LY9: variants seen among roughly 807,000 people sequenced by gnomAD.
LY9 encodes the protein T-lymphocyte surface antigen Ly-9.
Under a neutral mutation model 64.6 loss-of-function variants are expected in LY9, and 59 were observed. The ratio of observed to expected loss-of-function variants is 0.91; its 90% CI spans 0.74 to 1.13. The LOEUF (loss-of-function observed/expected upper bound fraction) is 1.13, where lower values mean the gene tolerates loss of function less well. LY9 is among the 50% of genes most tolerant of loss of function. The probability of loss-of-function intolerance (pLI) is 0.00; values close to 1 mark genes in which losing one functional copy is unlikely to be tolerated. For synonymous variants in LY9, 281 were observed against 308.5 expected (o/e 0.91, Z 0.93); for missense variants, 789 against 797.2 (o/e 0.99, Z 0.12).
intron 1 of LY9, among the ~76,000 whole-genome samples, chr1:160,797,876 CACA>C (rs1666044806): frequency 6.6e-6 from 1 of 152,040 alleles, no homozygotes; most frequent in African/African-American, 2.4e-5. Context: ...CACACACACA[CACA>C]CACACACACA....
chr1:160,819,709 T>G (rs757796917), intron 7 of LY9, among the ~76,000 whole-genome samples: 9 of 151,218 alleles, frequency 6.0e-5, no homozygotes, highest in Non-Finnish European at 8.8e-5. Context: ...GAGAATCTAT[T>G]TAACCTGGGA....
intron 2 of LY9, 101 bp downstream of exon 2, chr1:160,800,183 C>A: frequency 2.4e-6 from 2 of 833,524 alleles, no homozygotes; most frequent in South Asian, 1.8e-5. Context: ...ATAGTGCATA[C>A]TGATCAAGTC....
chr1:160,798,138 GC>G (rs1198327380), intron 1 of LY9, among the ~76,000 whole-genome samples: 1 of 152,096 alleles, frequency 6.6e-6, no homozygotes, highest in Non-Finnish European at 1.5e-5. Context: ...CCCACATCCT[GC>G]CCCCTCCACT....
At chr1:160,823,021 G>A (rs1668593596) in intron 7 of LY9, among the ~76,000 whole-genome samples, 1 of 152,140 alleles carries the variant, frequency 6.6e-6, no homozygotes, top group Admixed American at 6.5e-5. Flanking sequence ...TCTAACCAGA[G>A]TCATCTCCTC....
chr1:160,810,335 G>T (rs1667369190), intron 2 of LY9: 1 of 152,202 alleles, frequency 6.6e-6, no homozygotes, highest in Non-Finnish European at 1.5e-5. Flanking sequence ...CAATTCTGGA[G>T]ACTAGAAATC....
chr1:160,810,008 A>C (rs1667344875), intron 2 of LY9: 1 of 152,044 alleles, frequency 6.6e-6, no homozygotes, highest in Non-Finnish European at 1.5e-5. Context: ...GCCCCCGAGG[A>C]AGTTGGGATT....
intron 2 of LY9, 69 bp downstream of exon 2, chr1:160,800,151 T>G: frequency 8.1e-7 from 1 of 1,237,102 alleles, no homozygotes. Flanking sequence ...ATGGGGTATG[T>G]GTGAAATTTT....
At chr1:160,819,220 G>C (rs546451932) in intron 6 of LY9, 101 bp from the exon 7 acceptor site, 1 of 892,350 alleles carries the variant, frequency 1.1e-6, no homozygotes, top group African/African-American at 1.6e-5. Flanking sequence ...CCCTGTCTAT[G>C]TCCCAGAAGT....
intron 9 of LY9, chr1:160,824,591 T>A (rs1668742056): frequency 1.0e-6 from 1 of 984,190 alleles, no homozygotes; most frequent in South Asian, 4.7e-5. Context: ...AAATGACAAC[T>A]TCTCAAAACC....
rs749426591 is a variant in LY9, at chr1:160,814,725, G to A, written c.1036G>A (p.Val346Ile). Residue 346 changes from valine to isoleucine, a missense_variant, in exon 4 of 10, where the codon GTC (valine) becomes ATC (isoleucine). Physicochemically the swap from Val to Ile is conservative, Grantham distance 29. Coordinates refer to ENST00000263285, the MANE Select transcript of LY9 (RefSeq NM_002348.4). ...HAYVCSEASS[V>I]TSMTHVTLLI... The stretch of plus-strand genomic sequence containing the variant: ...CTACGTGTGCTCAGAGGCCTCCAGC[G>A]TCACCAGCATGACACATGTCACCCT... 20 of 1,613,796 alleles carry A rather than the reference G, an allele frequency of 1.2e-5. 1 individual carries two copies. The highest frequency in any genetic ancestry group is 1.1e-4 in the South Asian group (10 of 91,046).
At chr1:160,812,841 T>C (rs1667615209) in intron 2 of LY9, 1 of 152,230 alleles carries the variant, frequency 6.6e-6, no homozygotes, top group Non-Finnish European at 1.5e-5. Context: ...ATCCCAGCAC[T>C]TTGGGAGGCC....
chr1:160,818,897 T>C (rs1668161599), intron 6 of LY9, among the ~76,000 whole-genome samples: 1 of 152,176 alleles, frequency 6.6e-6, no homozygotes, highest in African/African-American at 2.4e-5. Flanking sequence ...GGCTGCTGCT[T>C]GGACCAATTT....
intron 1 of LY9, 78 bp from the exon 2 acceptor site, chr1:160,799,675 T>C (rs2101735115): frequency 1.2e-6 from 1 of 856,016 alleles, no homozygotes; most frequent in East Asian, 2.4e-5. Context: ...ATGCCCAATG[T>C]ATATTCACAG....
intron 2 of LY9, among the ~76,000 whole-genome samples, chr1:160,806,472 T>A (rs532540397): frequency 6.6e-6 from 1 of 152,354 alleles, no homozygotes; most frequent in South Asian, 2.1e-4. Context: ...CATTTGCTTG[T>A]CTGGGAAACG....
chr1:160,823,845 G>A, intron 8 of LY9, 49 bp downstream of exon 8: 1 of 1,432,078 alleles, frequency 7.0e-7, no homozygotes. Flanking sequence ...ATGTCTAGCG[G>A]CATCTGAGAT....
At chr1:160,820,762 C>T (rs1668359759) in intron 7 of LY9, among the ~76,000 whole-genome samples, 1 of 152,174 alleles carries the variant, frequency 6.6e-6, no homozygotes, top group Admixed American at 6.5e-5. Context: ...CTTCTTTAAC[C>T]TCTCCAAGGT....
chr1:160,825,450 G>A (rs1247438763), intron 9 of LY9, among the ~76,000 whole-genome samples: 2 of 152,162 alleles, frequency 1.3e-5, no homozygotes, highest in Non-Finnish European at 2.9e-5. Flanking sequence ...CCAGTATTAA[G>A]AACCATGAGG....
chr1:160,824,498 C>G, intron 9 of LY9: 1 of 985,044 alleles, frequency 1.0e-6, no homozygotes, highest in Non-Finnish European at 1.2e-6. Flanking sequence ...TAACACTGAC[C>G]TGAATGACAG....
Position 160,814,766 on chromosome 1 carries a change from GT to G in LY9, c.1072+6del. 1 of 1,608,492 alleles carries G rather than the reference GT, an allele frequency of 6.2e-7. No individual in the cohort carries two copies. The highest frequency in any genetic ancestry group is 8.5e-7 in the Non-Finnish European group (1 of 1,177,098). ...ATGTCACCCTGCTCATCTACCGTGA[GT>G]CTCTGGGCAGGGCACCCATCACCAG... On this transcript the variant is annotated splice_donor_region_variant and intron_variant, in intron 4 of 9. Coordinates refer to ENST00000263285, the MANE Select transcript of LY9 (RefSeq NM_002348.4).
Sources: allele counts gnomAD v4.1 joint callset (sites outside exome capture counted in the v4.1 genomes callset), GRCh38; gene constraint gnomAD v4.1.1; transcripts MANE v1.5; gene names NCBI Gene and HGNC (gene_info 2026-07-23, HGNC 2026-07-21).